The following CDC42SE2 variants were observed in gnomAD, a reference collection of about 807,000 sequenced individuals.
The protein encoded by CDC42SE2 is CDC42 small effector protein 2.
In CDC42SE2, 3 loss-of-function variants were observed where a neutral mutation model predicts 11.5. The ratio of observed to expected loss-of-function variants is 0.26; its 90% CI spans 0.12 to 0.67. CDC42SE2 has a LOEUF of 0.67. Ranked by LOEUF, CDC42SE2 falls within the 30% of genes least tolerant of loss-of-function variation. CDC42SE2 has a pLI of 0.80. For synonymous variants in CDC42SE2, 33 were observed against 34.8 expected, an observed-to-expected ratio of 0.95 and a Z score of 0.18; for missense variants, 82 against 106.8, an observed-to-expected ratio of 0.77 and a Z score of 1.02.
At chr5:131,282,541 CT>C (rs914005303) in intron 1 of CDC42SE2, among the ~76,000 whole-genome samples, 5 of 151,436 alleles carry the variant, frequency 3.3e-5, no homozygotes, top group Non-Finnish European at 5.9e-5. Flanking sequence ...AGGAAGTAAC[CT>C]TTTTTTTTCT....
chr5:131,308,323 T>A (rs1350209144), intron 1 of CDC42SE2, among the ~76,000 whole-genome samples: 3 of 152,028 alleles, frequency 2.0e-5, no homozygotes, highest in Admixed American at 2.0e-4. Flanking sequence ...TTGGTACCAG[T>A]ACCATGCTGT....
intron 1 of CDC42SE2, among the ~76,000 whole-genome samples, chr5:131,292,826 C>T (rs1217395278): frequency 3.6e-5 from 5 of 140,250 alleles, no homozygotes; most frequent in Non-Finnish European, 7.6e-5. Flanking sequence ...GTGGGAGGAT[C>T]GCTTGAGCAC....
intron 2 of CDC42SE2, among the ~76,000 whole-genome samples, chr5:131,320,750 T>A (rs1029023676): frequency 2.6e-5 from 4 of 151,890 alleles, no homozygotes; most frequent in African/African-American, 9.7e-5. Context: ...CAAAAAAAAA[T>A]GTATTCTAAA....
At chr5:131,389,034 CTA>C (rs1301342669) in intron 4 of CDC42SE2, among the ~76,000 whole-genome samples, 2 of 152,094 alleles carry the variant, frequency 1.3e-5, no homozygotes, top group African/African-American at 4.8e-5. Flanking sequence ...TGGGGTTTCG[CTA>C]TGTTTTCCAG....
chr5:131,246,008 T>C (rs529276647), intron 1 of CDC42SE2, among the ~76,000 whole-genome samples: 1 of 152,348 alleles, frequency 6.6e-6, no homozygotes, highest in Non-Finnish European at 1.5e-5. Flanking sequence ...AGGGGTTATA[T>C]TGCCTGAATT....
Position 131,278,165 on chromosome 5 carries a change from G to A in CDC42SE2, c.-455+13999G>A, listed in dbSNP as rs186943917. Among the ~76,000 whole-genome samples, 39 of 152,206 alleles carry A rather than the reference G, an allele frequency of 2.6e-4. 1 individual carries two copies. In the East Asian group the frequency reaches 7.0e-3, roughly 27 times the overall value. On this transcript the variant is annotated intron_variant, in intron 1 of 4. Coordinates refer to ENST00000505065, the MANE Select transcript of CDC42SE2 (RefSeq NM_001375635.1). ...CACGCTAGCCAATTTTTTATTTTTA[G>A]TAGAGATGGGGTTTCTCCTTGTTGG...
At chr5:131,338,912 T>G (rs192898657) in intron 2 of CDC42SE2, among the ~76,000 whole-genome samples, 4 of 152,084 alleles carry the variant, frequency 2.6e-5, no homozygotes, top group Non-Finnish European at 5.9e-5. Context: ...AGCCTGACCT[T>G]GTGAATTTCG....
intron 1 of CDC42SE2, among the ~76,000 whole-genome samples, chr5:131,280,678 T>A (rs1757220384): frequency 6.6e-6 from 1 of 152,180 alleles, no homozygotes; most frequent in Non-Finnish European, 1.5e-5. Flanking sequence ...CAGGATTCTA[T>A]GTACAGCAGA....
At chr5:131,386,686 A>T (rs568724783) in intron 4 of CDC42SE2, among the ~76,000 whole-genome samples, 1 of 152,262 alleles carries the variant, frequency 6.6e-6, no homozygotes, top group Non-Finnish European at 1.5e-5. Flanking sequence ...GGTTCTTATC[A>T]GAGTTGTTCC....
the CDC42SE2 span, among the ~76,000 whole-genome samples, chr5:131,239,735 C>A: frequency 4.4e-3 from 665 of 152,254 alleles, 2 homozygotes; most frequent in South Asian, 6.0e-3. Flanking sequence ...GCTTGGACTT[C>A]CCTCACCATA....
the CDC42SE2 span, among the ~76,000 whole-genome samples, chr5:131,225,032 T>C: frequency 6.6e-6 from 1 of 151,796 alleles, no homozygotes; most frequent in South Asian, 2.1e-4. Flanking sequence ...GCAGAGAGGG[T>C]AAGCAGTGGC....
At position 131,393,931 on chromosome 5, in the gene CDC42SE2, C is replaced by A. The variant is rs189211167; in HGVS notation, c.*2840C>A. On this transcript the variant is annotated 3_prime_UTR_variant, in exon 5 of 5. Coordinates refer to ENST00000505065, the MANE Select transcript of CDC42SE2 (RefSeq NM_001375635.1). Reference sequence around the variant, plus strand: ...CAGCCTATAACTACTCTGCAGCTGCCACTAACTCTACAGGCACAGTAACTA... The same window carrying A: ...CAGCCTATAACTACTCTGCAGCTGCAACTAACTCTACAGGCACAGTAACTA... The A allele has an allele frequency of 6.6e-6, 1 of 151,154 alleles. No individual in the cohort carries two copies. Among genetic ancestry groups the A allele is most frequent in the African/African-American group, 2.4e-5 (1 of 40,908 alleles). 9.4% of individuals were successfully genotyped at this position (151,154 alleles called of 1,614,324 possible). A position where few individuals can be genotyped will look rare whatever the true frequency, so the allele number is the denominator to read the frequency against.
At chr5:131,288,660 G>T (rs1757390365) in intron 1 of CDC42SE2, among the ~76,000 whole-genome samples, 1 of 152,266 alleles carries the variant, frequency 6.6e-6, no homozygotes, top group African/African-American at 2.4e-5. Flanking sequence ...GGGCCTGGTA[G>T]ATTCTTCACT....
chr5:131,260,656 G>C (rs1756716766), upstream of CDC42SE2, among the ~76,000 whole-genome samples: 1 of 147,374 alleles, frequency 6.8e-6, no homozygotes, highest in Non-Finnish European at 1.5e-5. Flanking sequence ...TTAATAGGCC[G>C]AGTGCAGTGG....
intron 1 of CDC42SE2, among the ~76,000 whole-genome samples, chr5:131,265,350 C>T (rs1478787861): frequency 1.3e-5 from 2 of 152,004 alleles, no homozygotes; most frequent in Non-Finnish European, 2.9e-5. Flanking sequence ...TTTTGAAACC[C>T]AGCTTTCTGT....
At chr5:131,287,697 C>T (rs1264324532) in intron 1 of CDC42SE2, among the ~76,000 whole-genome samples, 1 of 151,926 alleles carries the variant, frequency 6.6e-6, no homozygotes, top group Admixed American at 6.6e-5. Flanking sequence ...TGGTCTCGAA[C>T]TACTAGGTTC....
intron 1 of CDC42SE2, among the ~76,000 whole-genome samples, chr5:131,302,055 G>A (rs1409011754): frequency 6.6e-6 from 1 of 152,130 alleles, no homozygotes; most frequent in East Asian, 1.9e-4. Context: ...TGCCCAGACT[G>A]CAATGCGGTG....
chr5:131,241,017 C>T (rs547868767), upstream of CDC42SE2, among the ~76,000 whole-genome samples: 7 of 151,918 alleles, frequency 4.6e-5, no homozygotes, highest in African/African-American at 7.3e-5. Context: ...CTTGCTCTGT[C>T]GCCCAGGCTG....
chr5:131,307,516 G>C (rs62391414), intron 1 of CDC42SE2, among the ~76,000 whole-genome samples: 2 of 151,714 alleles, frequency 1.3e-5, no homozygotes, highest in African/African-American at 2.4e-5. Context: ...GAATAATGCC[G>C]CAGTAAACAT....
Sources: gnomAD v4.1 joint callset for allele counts (sites outside exome capture counted in the v4.1 genomes callset) on GRCh38, gnomAD v4.1.1 for gene constraint, MANE v1.5 for transcripts, NCBI Gene and HGNC (gene_info 2026-07-23, HGNC 2026-07-21) for gene names.